The following KCNQ1 variants were observed in gnomAD, a reference collection of about 807,000 sequenced individuals.
KCNQ1 encodes the protein potassium voltage-gated channel subfamily KQT member 1.
KCNQ1 carries 49 observed loss-of-function variants against 72.4 expected under a neutral mutation model. The ratio of observed to expected loss-of-function variants is 0.68; its 90% CI spans 0.54 to 0.86. The LOEUF (loss-of-function observed/expected upper bound fraction) is 0.86, where lower values mean the gene tolerates loss of function less well. Among genes scored for constraint, KCNQ1 ranks in the 40% least tolerant of loss-of-function variants. The pLI is 0.00. For missense variants in KCNQ1, 790 were observed against 945.1 expected (o/e 0.84, Z 2.15); for synonymous variants, 450 against 412.6 (o/e 1.09, Z -1.10).
At position 2,746,398 on chromosome 11, in the gene KCNQ1, C is replaced by T. The variant is rs770583566; in HGVS notation, c.1515-22446C>T. Among the ~76,000 whole-genome samples the T allele has an allele frequency of 6.6e-6, 1 of 152,176 alleles. No individual in the cohort carries two copies. Among genetic ancestry groups the T allele is most frequent in the African/African-American group, 2.4e-5 (1 of 41,448 alleles). ...TGAGTCCATGCTTGATGCAGATTTC[C>T]TCAGTTTCCCTACTGTCTTTTTTCT... On this transcript the variant is annotated intron_variant, in intron 11 of 15. Coordinates refer to ENST00000155840, the MANE Select transcript of KCNQ1 (RefSeq NM_000218.3). This position sits in a 1 kb window ranked among gnomAD's most constrained non-coding sequence, Gnocchi z 5.9.
At chr11:2,792,906 G>A (rs1193569272) in intron 15 of KCNQ1, among the ~76,000 whole-genome samples, 12 of 34,898 alleles carry the variant, frequency 3.4e-4, no homozygotes, top group African/African-American at 1.2e-3. Context: ...CCTGCCCCCA[G>A]TCCCCCACAT....
rs751761200 is a variant in KCNQ1, at chr11:2,598,231, AAT to A, written c.1393+9380_1393+9381del. Among the ~76,000 whole-genome samples the A allele has an allele frequency of 1.3e-5, 2 of 152,108 alleles. No individual in the cohort carries two copies. The highest frequency in any genetic ancestry group is 2.9e-5 in the Non-Finnish European group (2 of 68,016). ...CTGTGACACGTAGATCTGATTATGA[AAT>A]ATGTTCCTTTTCATTGCTTTCTTGA... On this transcript the variant is annotated intron_variant, in intron 10 of 15. Coordinates refer to ENST00000155840, the MANE Select transcript of KCNQ1 (RefSeq NM_000218.3). The surrounding 1 kb of genome is among the most constrained non-coding windows in gnomAD (Gnocchi z 6.2).
In KCNQ1 at chr11:2,515,887, C is replaced by T. The variant is rs1847280558; in HGVS notation, c.387-12041C>T. ...GGCCCCAGGAGAAGCTCATGCCTTTCCTGCTTGCACCCCAGAGCCTGGCCA... is the reference window on the plus strand; with the variant it reads ...GGCCCCAGGAGAAGCTCATGCCTTTTCTGCTTGCACCCCAGAGCCTGGCCA... On this transcript the variant is annotated intron_variant, in intron 1 of 15. Transcript: ENST00000155840. This position sits in a 1 kb window ranked among gnomAD's most constrained non-coding sequence, Gnocchi z 4.7. 6.6e-6 allele frequency among the ~76,000 whole-genome samples: 1 copy of T among 151,916 alleles called. No homozygotes were observed. The highest frequency in any genetic ancestry group is 2.1e-4 in the South Asian group (1 of 4,818).
rs940991307 is a variant in KCNQ1 at position 2,816,096 on chromosome 11, G to A, written c.1795-31671G>A. On this transcript the variant is annotated intron_variant, in intron 15 of 15. Coordinates refer to ENST00000155840, the MANE Select transcript of KCNQ1 (RefSeq NM_000218.3). The surrounding 1 kb of genome is among the most constrained non-coding windows in gnomAD (Gnocchi z 6.8). ...GGGAGATCAAGAAGTCCCTGAGGAAGAGGACAGTAGCCAGGGGCAAGACCT... is the reference window on the plus strand; with the variant it reads ...GGGAGATCAAGAAGTCCCTGAGGAAAAGGACAGTAGCCAGGGGCAAGACCT... 5.3e-5 allele frequency among the ~76,000 whole-genome samples: 8 copies of A among 152,208 alleles called. No homozygotes were observed. The highest frequency in any genetic ancestry group is 7.2e-5 in the African/African-American group (3 of 41,444).
At chr11:2,825,922 C>A (rs1447898802) in intron 15 of KCNQ1, among the ~76,000 whole-genome samples, 2 of 152,198 alleles carry the variant, frequency 1.3e-5, no homozygotes, top group Non-Finnish European at 2.9e-5. Flanking sequence ...CTCCCCAGGG[C>A]CACCCGGAGC....
rs71476689 is a variant in KCNQ1, at chr11:2,754,169, G to A, written c.1515-14675G>A. 8.1e-3 allele frequency among the ~76,000 whole-genome samples: 1,229 copies of A among 152,340 alleles called. 7 individuals carry two copies. Among genetic ancestry groups the A allele is most frequent in the Non-Finnish European group, 0.014 (964 of 68,036 alleles). Reference sequence around the variant, plus strand: ...ACTAAAACAAAAAAGACAATAACAAGTGTTGGCAAGGATGTGGACTGCCAG... The same window carrying A: ...ACTAAAACAAAAAAGACAATAACAAATGTTGGCAAGGATGTGGACTGCCAG... On this transcript the variant is annotated intron_variant, in intron 11 of 15. Transcript: ENST00000155840.
intron 1 of KCNQ1, among the ~76,000 whole-genome samples, chr11:2,503,263 A>G (rs992235538): frequency 1.3e-5 from 2 of 152,188 alleles, no homozygotes; most frequent in Non-Finnish European, 2.9e-5. Flanking sequence ...ATATTTGCAA[A>G]GTGCCCATCT....
Position 2,674,175 on chromosome 11 carries a change from G to A in KCNQ1, c.1514+12094G>A, listed in dbSNP as rs935245026. On this transcript the variant is annotated intron_variant, in intron 11 of 15. Coordinates refer to ENST00000155840, the MANE Select transcript of KCNQ1 (RefSeq NM_000218.3). The surrounding 1 kb of genome is among the most constrained non-coding windows in gnomAD (Gnocchi z 5.9). Reference sequence around the variant, plus strand: ...AAGGGAAGGAATGTGACCAAGGCTGGGTGTGGCTGGGGAGAGCACAGCCAG... The same window carrying A: ...AAGGGAAGGAATGTGACCAAGGCTGAGTGTGGCTGGGGAGAGCACAGCCAG... 1 of 398,604 alleles carries A rather than the reference G, an allele frequency of 2.5e-6. No homozygotes were observed. Among genetic ancestry groups the A allele is most frequent in the Admixed American group, 4.4e-5 (1 of 22,706 alleles). 24.7% of individuals were successfully genotyped at this position (398,604 alleles called of 1,614,324 possible). A position where few individuals can be genotyped will look rare whatever the true frequency, so the allele number is the denominator to read the frequency against.
chr11:2,593,208 G>C lies in KCNQ1; in HGVS notation c.1393+4354G>C, dbSNP rs1217956427. On this transcript the variant is annotated intron_variant, in intron 10 of 15. Transcript: ENST00000155840. This position sits in a 1 kb window ranked among gnomAD's most constrained non-coding sequence, Gnocchi z 6.9. ...GTCTTGACAAAGGGACTGGAGGCAG[G>C]TTGTCAGAGTAGGGCTGGCCGGAGG... 6.6e-6 allele frequency among the ~76,000 whole-genome samples: 1 copy of C among 152,240 alleles called. No individual in the cohort carries two copies. The highest frequency in any genetic ancestry group is 1.5e-5 in the Non-Finnish European group (1 of 68,046).
At position 2,818,248 on chromosome 11, in the gene KCNQ1, C is replaced by T. The variant is rs183043912; in HGVS notation, c.1795-29519C>T. ...CCAAGAGTGTGGGGGTCAGGAATGG[C>T]GTCCTTGTGCCCTTGTCACCCACTC... On this transcript the variant is annotated intron_variant, in intron 15 of 15. Transcript: ENST00000155840. This position sits in a 1 kb window ranked among gnomAD's most constrained non-coding sequence, Gnocchi z 7.2. Among the ~76,000 whole-genome samples, 56 of 152,278 alleles carry T rather than the reference C, an allele frequency of 3.7e-4. No homozygotes were observed. Among genetic ancestry groups the T allele is most frequent in the African/African-American group, 1.3e-3 (52 of 41,540 alleles).
chr11:2,498,700 G>A lies in KCNQ1; in HGVS notation c.387-29228G>A, dbSNP rs951375269. Among the ~76,000 whole-genome samples the A allele has an allele frequency of 4.6e-5, 7 of 152,254 alleles. No homozygotes were observed. Among genetic ancestry groups the A allele is most frequent in the African/African-American group, 1.7e-4 (7 of 41,518 alleles). ...CCTTTCCAGGGGAGTAAATGATTCT[G>A]TCTTGCTGGGGTTCCAGGCACCACT... On this transcript the variant is annotated intron_variant, in intron 1 of 15. Transcript: ENST00000155840. The surrounding 1 kb of genome is among the most constrained non-coding windows in gnomAD (Gnocchi z 4.8).
At chr11:2,721,244 C>G (rs1851197462) in intron 11 of KCNQ1, among the ~76,000 whole-genome samples, 1 of 152,190 alleles carries the variant, frequency 6.6e-6, no homozygotes, top group Admixed American at 6.5e-5. Flanking sequence ...CCTGTTTGTC[C>G]TACCGTGGAG....
At chr11:2,577,330 T>G (rs1848437060) in intron 6 of KCNQ1, among the ~76,000 whole-genome samples, 1 of 152,204 alleles carries the variant, frequency 6.6e-6, no homozygotes, top group African/African-American at 2.4e-5. Flanking sequence ...GGAGTGTCCC[T>G]GCAGGACTGT....
Position 2,659,834 on chromosome 11 carries a change from T to C in KCNQ1, c.1394-2127T>C, listed in dbSNP as rs1849918644. 2.5e-6 allele frequency: 1 copy of C among 398,496 alleles called. No individual in the cohort carries two copies. The highest frequency in any genetic ancestry group is 3.6e-5 in the East Asian group (1 of 28,032). 24.7% of individuals were successfully genotyped at this position (398,496 alleles called of 1,614,324 possible). A position where few individuals can be genotyped will look rare whatever the true frequency, so the allele number is the denominator to read the frequency against. ...ATTCTAATTTGCATTTCCATATTTA[T>C]GTTAATTATGTATCTTTTCATGTGC... On this transcript the variant is annotated intron_variant, in intron 10 of 15. Transcript: ENST00000155840. The surrounding 1 kb of genome is among the most constrained non-coding windows in gnomAD (Gnocchi z 4.3).
intron 11 of KCNQ1, among the ~76,000 whole-genome samples, chr11:2,705,418 G>T (rs1189472458): frequency 6.6e-6 from 1 of 152,214 alleles, no homozygotes; most frequent in Non-Finnish European, 1.5e-5. Context: ...ACTTCGACGC[G>T]GGTTAACTCA....
At chr11:2,519,781 C>A (rs946811792) in intron 1 of KCNQ1, among the ~76,000 whole-genome samples, 4 of 138,940 alleles carry the variant, frequency 2.9e-5, no homozygotes, top group South Asian at 2.1e-4. Flanking sequence ...TGGCCCCCCC[C>A]CACAACATTG....
At chr11:2,474,668 G>T (rs1846544931) in intron 1 of KCNQ1, among the ~76,000 whole-genome samples, 1 of 49,946 alleles carries the variant, frequency 2.0e-5, no homozygotes, top group Admixed American at 2.1e-4. Flanking sequence ...TTCCATGTGG[G>T]GCGGGAGCTT....
rs1039420012 is a variant in KCNQ1 at position 2,815,444 on chromosome 11, G to A, written c.1795-32323G>A. ...TCTGAGTTCGGGGGACCCTCTCCTG[G>A]CCCTGTGGGGTCGGAGGAGGTCCTG... On this transcript the variant is annotated intron_variant, in intron 15 of 15. Transcript: ENST00000155840. This position sits in a 1 kb window ranked among gnomAD's most constrained non-coding sequence, Gnocchi z 5.4. Among the ~76,000 whole-genome samples the A allele has an allele frequency of 6.6e-6, 1 of 152,098 alleles. No individual in the cohort carries two copies. Among genetic ancestry groups the A allele is most frequent in the African/African-American group, 2.4e-5 (1 of 41,384 alleles).
Position 2,623,036 on chromosome 11 carries a change from C to A in KCNQ1, c.1393+34182C>A. ...AATCCCCATGTGTCAGGGGAGGGGC[C>A]TGGTGGGGGGCAAACTTCCCCCTTG... is the stretch of plus-strand genomic sequence containing the variant. On this transcript the variant is annotated intron_variant, in intron 10 of 15. Coordinates refer to ENST00000155840, the MANE Select transcript of KCNQ1 (RefSeq NM_000218.3). The surrounding 1 kb of genome is among the most constrained non-coding windows in gnomAD (Gnocchi z 5.2). The A allele has an allele frequency of 2.5e-6, 1 of 398,552 alleles. No individual in the cohort carries two copies. Among genetic ancestry groups the A allele is most frequent in the Admixed American group, 4.4e-5 (1 of 22,726 alleles). 24.7% of individuals were successfully genotyped at this position (398,552 alleles called of 1,614,324 possible).
Sources: gnomAD v4.1 joint callset for allele counts (sites outside exome capture counted in the v4.1 genomes callset) on GRCh38, gnomAD v4.1.1 for gene constraint, Gnocchi (gnomAD v3.1) non-coding constraint, MANE v1.5 for transcripts, NCBI Gene and HGNC (gene_info 2026-07-23, HGNC 2026-07-21) for gene names.